TUBA3C: variants seen among roughly 807,000 people sequenced by gnomAD.
TUBA3C encodes tubulin alpha-3C chain.
TUBA3C carries 23 observed loss-of-function variants against 33.4 expected under a neutral mutation model. That is an observed-to-expected ratio of 0.69 (90% CI 0.50 to 0.98). The LOEUF (loss-of-function observed/expected upper bound fraction) is 0.98. Ranked by LOEUF, TUBA3C falls within the 50% of genes least tolerant of loss-of-function variation. The pLI, the probability that TUBA3C is intolerant of heterozygous loss-of-function variation, is 0.00. For synonymous variants in TUBA3C, 269 were observed against 250.4 expected (o/e 1.07, Z -0.70); for missense variants, 402 against 616.0 (o/e 0.65, Z 3.68).
rs202136452 is a variant in TUBA3C at position 19,181,766 on chromosome 13, C to G, written c.-19G>C. ...TTACCATGTTGAGCTCCTCCGCTGC[C>G]GCAGCCCAACGCTACTACTTGACCT... On this transcript the variant is annotated 5_prime_UTR_variant, in exon 1 of 5. Coordinates refer to ENST00000400113, the MANE Select transcript of TUBA3C (RefSeq NM_006001.3). 5.0e-6 allele frequency: 8 copies of G among 1,601,980 alleles called. No homozygotes were observed. The East Asian group carries it at 6.7e-5, about 13-fold the overall frequency.
intron 4 of TUBA3C, among the ~76,000 whole-genome samples, 180 bp downstream of exon 4, chr13:19,176,747 A>C (rs1869194048): frequency 1.4e-5 from 2 of 148,048 alleles, no homozygotes; most frequent in South Asian, 4.3e-4. Context: ...AAAAAAAAAA[A>C]AAAAAAAAAA....
At chr13:19,174,383 C>T (rs867463490) in intron 4 of TUBA3C, among the ~76,000 whole-genome samples, 13 of 152,172 alleles carry the variant, frequency 8.5e-5, no homozygotes, top group Middle Eastern at 3.4e-3. Context: ...ATCCACCCAC[C>T]CCAGCCTCCC....
rs756030082 is a variant in TUBA3C at position 19,174,034 on chromosome 13, C to T, written c.1182G>A (p.Lys394=). Residue 394 remains lysine, a synonymous_variant, in exon 5 of 5, where the codon AAG becomes AAA. Transcript: ENST00000400113. ...CCCGCTTGGCATACATGAGATCGAA[C>T]TTATGGTCCAGGCGAGCCCAGGCCT... ...IAEAWARLDH[K]FDLMYAKRAF... The T allele has an allele frequency of 1.2e-6, 2 of 1,613,814 alleles. No homozygotes were observed. The highest frequency in any genetic ancestry group is 4.5e-5 in the East Asian group (2 of 44,674).
chr13:19,176,571 T>C (rs894617983), intron 4 of TUBA3C, among the ~76,000 whole-genome samples: 3 of 151,756 alleles, frequency 2.0e-5, no homozygotes, highest in Non-Finnish European at 2.9e-5. Flanking sequence ...CTGGCCAACA[T>C]GGCATAACCC....
chr13:19,180,699 G>GCA lies in TUBA3C; in HGVS notation c.3+1045_3+1046insTG, dbSNP rs1869375900. The stretch of plus-strand genomic sequence containing the variant: ...TTTAGTAGAGATGGGGTTTCACCGT[G>GCA]TTAGCCAGGATGGTCTCGATCTCCT... On this transcript the variant is annotated intron_variant, in intron 1 of 4. Coordinates refer to ENST00000400113, the MANE Select transcript of TUBA3C (RefSeq NM_006001.3). 3.3e-5 allele frequency among the ~76,000 whole-genome samples: 5 copies of GCA among 151,928 alleles called. No individual in the cohort carries two copies. In the East Asian group the frequency reaches 9.9e-4, roughly 30 times the overall value.
chr13:19,173,795 T>C lies in TUBA3C; in HGVS notation c.*68A>G. The C allele has an allele frequency of 1.3e-6, 2 of 1,557,406 alleles. No individual in the cohort carries two copies. The highest frequency in any genetic ancestry group is 1.8e-4 in the Middle Eastern group (1 of 5,524). The stretch of plus-strand genomic sequence containing the variant: ...TCTTGGTTTTATACAGAACCTTTAA[T>C]TGCAAAGAACTTGAAAGCAGCCACG... On this transcript the variant is annotated 3_prime_UTR_variant, in exon 5 of 5. Transcript: ENST00000400113.
chr13:19,176,862 C>T, intron 4 of TUBA3C, 65 bp downstream of exon 4: 1 of 1,559,786 alleles, frequency 6.4e-7, no homozygotes, highest in South Asian at 1.2e-5. Context: ...CCTTCAGGGG[C>T]AGCATTACTC....
At chr13:19,178,777 A>G (rs753944729) in intron 2 of TUBA3C, among the ~76,000 whole-genome samples, 2 of 152,192 alleles carry the variant, frequency 1.3e-5, no homozygotes, top group Non-Finnish European at 2.9e-5. Context: ...AGAAGTCACC[A>G]GGTCAGTGTG....
chr13:19,181,702 C>A, intron 1 of TUBA3C, 43 bp downstream of exon 1: 1 of 1,601,120 alleles, frequency 6.2e-7, no homozygotes, highest in Non-Finnish European at 8.5e-7. Flanking sequence ...TTCGTCCACC[C>A]TCCAGCCTGG....
In TUBA3C at chr13:19,173,967, C is replaced by G. The variant is rs139332145; in HGVS notation, c.1249G>C (p.Glu417Gln). Residue 417 changes from glutamate to glutamine, a missense_variant, in exon 5 of 5, where the codon GAG becomes CAG. Transcript: ENST00000400113. ...WYVGEGMEEGEFSEAREDLAA... is the reference protein window; with the variant it reads ...WYVGEGMEEGQFSEAREDLAA... ...AGGTCCTCGCGGGCCTCAGAGAACT[C>G]CCCCTCCTCCATGCCTTCTCCCACG... 1.2e-6 allele frequency: 2 copies of G among 1,610,352 alleles called. No homozygotes were observed. Among genetic ancestry groups the G allele is most frequent in the Non-Finnish European group, 1.7e-6 (2 of 1,178,704 alleles).
In TUBA3C at chr13:19,177,881, C is replaced by G. The variant is rs9507569; in HGVS notation, c.376-274G>C. ...TTTTTTTTTTAGATAGAATCTCACT[C>G]TGTTGCCCAGGCCGGAGGGCAGTGG... is the stretch of plus-strand genomic sequence containing the variant. On this transcript the variant is annotated intron_variant, in intron 3 of 4. Coordinates refer to ENST00000400113, the MANE Select transcript of TUBA3C (RefSeq NM_006001.3). The surrounding 1 kb of genome is among the most constrained non-coding windows in gnomAD (Gnocchi z 5.0). 0.042 allele frequency among the ~76,000 whole-genome samples: 5,925 copies of G among 140,664 alleles called. 149 individuals are homozygous for G. Among genetic ancestry groups the G allele is most frequent in the Middle Eastern group, 0.065 (17 of 260 alleles). 92.3% of individuals were successfully genotyped at this position (140,664 alleles called of 152,430 possible). A position where few individuals can be genotyped will look rare whatever the true frequency, so the allele number is the denominator to read the frequency against.
rs780474312 is a variant in TUBA3C at position 19,177,061 on chromosome 13, G to A, written c.922C>T (p.Arg308Cys). 7 of 1,614,066 alleles carry A rather than the reference G, an allele frequency of 4.3e-6. No individual in the cohort carries two copies. The highest frequency in any genetic ancestry group is 3.3e-5 in the South Asian group (3 of 91,084). Residue 308 changes from arginine to cysteine, a missense_variant, in exon 4 of 5, where the codon CGC becomes TGC. Arg to Cys is a radical substitution (Grantham distance 180). Coordinates refer to ENST00000400113, the MANE Select transcript of TUBA3C (RefSeq NM_006001.3). The surrounding 1 kb of genome is among the most constrained non-coding windows in gnomAD (Gnocchi z 5.0). Reference sequence around the variant, plus strand: ...CAGCAGGCCATGTACTTGCCGTGGCGAGGGTCACACTTGACCATCTGATTG... The same window carrying A: ...CAGCAGGCCATGTACTTGCCGTGGCAAGGGTCACACTTGACCATCTGATTG... ...PANQMVKCDP[R>C]HGKYMACCML...
intron 1 of TUBA3C, among the ~76,000 whole-genome samples, chr13:19,180,594 CG>C (rs1239198694): frequency 1.3e-5 from 2 of 151,978 alleles, no homozygotes; most frequent in African/African-American, 4.8e-5. Flanking sequence ...CTCTGCCTCC[CG>C]GGTTCAAGCA....
chr13:19,181,601 C>A, intron 1 of TUBA3C, 144 bp downstream of exon 1: 1 of 1,207,906 alleles, frequency 8.3e-7, no homozygotes, highest in Non-Finnish European at 1.2e-6. Context: ...GTCCTCGTGT[C>A]CCGCCCTGGG....
At position 19,177,419 on chromosome 13, in the gene TUBA3C, G is replaced by A; in HGVS notation, c.564C>T (p.Ile188=). 1.9e-6 allele frequency: 3 copies of A among 1,614,130 alleles called. No homozygotes were observed. Among genetic ancestry groups the A allele is most frequent in the Non-Finnish European group, 2.5e-6 (3 of 1,180,022 alleles). Residue 188 remains isoleucine, a synonymous_variant, in exon 4 of 5, where the codon ATC becomes ATT. Transcript: ENST00000400113. This position sits in a 1 kb window ranked among gnomAD's most constrained non-coding sequence, Gnocchi z 5.0. ...STAVVEPYNS[I]LTTHTTLEHS... is the part of the protein sequence containing the mutation. ...GTTCCAGGGTCGTGTGGGTGGTCAG[G>A]ATGGAGTTGTAGGGCTCCACCACGG... is the stretch of plus-strand genomic sequence containing the variant.
chr13:19,175,673 A>C (rs144691661), intron 4 of TUBA3C, among the ~76,000 whole-genome samples: 33 of 152,330 alleles, frequency 2.2e-4, no homozygotes, highest in Admixed American at 1.2e-3. Flanking sequence ...TGATTTTGCT[A>C]TCCGACAGCA....
chr13:19,181,079 GTCTC>G (rs1161931304), intron 1 of TUBA3C, among the ~76,000 whole-genome samples: 1 of 150,428 alleles, frequency 6.6e-6, no homozygotes, highest in Non-Finnish European at 1.5e-5. Flanking sequence ...TTGAGGCAGG[GTCTC>G]TCTCTGTCGC....
chr13:19,178,261 G>T lies in TUBA3C; in HGVS notation c.360C>A (p.Asp120Glu). 1 of 1,614,170 alleles carries T rather than the reference G, an allele frequency of 6.2e-7. No individual in the cohort carries two copies. The stretch of plus-strand genomic sequence containing the variant: ...CTCTTCTTACCAGTTTGCGGATCCG[G>T]TCCAGGACCAGGTCGACGATCTCCT... ...IGKEIVDLVL[D>E]RIRKLADLCT... Residue 120 changes from aspartate to glutamate, a missense_variant, in exon 3 of 5, where the codon GAC becomes GAA. Transcript: ENST00000400113.
rs1869417643 is a variant in TUBA3C at position 19,181,532 on chromosome 13, T to A, written c.3+213A>T. Among the ~76,000 whole-genome samples, 2 of 152,100 alleles carry A rather than the reference T, an allele frequency of 1.3e-5. 1 individual carries two copies. Among genetic ancestry groups the A allele is most frequent in the South Asian group, 4.1e-4 (2 of 4,828 alleles). ...CACTGACTCAAGGCCGGCAGCTTCG[T>A]CTAAAACAAAAGCTGCCATCCCTGC... On this transcript the variant is annotated intron_variant, in intron 1 of 4. Coordinates refer to ENST00000400113, the MANE Select transcript of TUBA3C (RefSeq NM_006001.3).
Sources: gnomAD v4.1 joint callset for allele counts (sites outside exome capture counted in the v4.1 genomes callset) on GRCh38, gnomAD v4.1.1 for gene constraint, Gnocchi (gnomAD v3.1) non-coding constraint, MANE v1.5 for transcripts, NCBI Gene and HGNC (gene_info 2026-07-23, HGNC 2026-07-21) for gene names.